The following SAMD8 variants were observed in gnomAD, a reference collection of about 807,000 sequenced individuals.
The protein encoded by SAMD8 is sphingomyelin synthase-related protein 1.
In SAMD8, 20 loss-of-function variants were observed where a neutral mutation model predicts 42.0. That is an observed-to-expected ratio of 0.48 (90% CI 0.34 to 0.69). SAMD8 has a LOEUF of 0.69. SAMD8 is among the 30% of genes least tolerant of loss of function. The pLI is 0.01. For missense variants in SAMD8, 328 were observed against 511.6 expected (o/e 0.64, Z 3.46); for synonymous variants, 162 against 173.0 (o/e 0.94, Z 0.50).
rs889334061 is a variant in SAMD8, at chr10:75,152,198, A to T, written c.578+1092A>T. Among the ~76,000 whole-genome samples the T allele has an allele frequency of 1.6e-4, 24 of 151,986 alleles. 1 individual carries two copies. Among genetic ancestry groups the T allele is most frequent in the African/African-American group, 9.7e-5 (4 of 41,378 alleles). On this transcript the variant is annotated intron_variant, in intron 2 of 5. Transcript: ENST00000542569. The stretch of plus-strand genomic sequence containing the variant: ...CTGTTTTATTAAATATTGAATACAT[A>T]AAAAAATGTAGTATATGTGTAACAT...
intron 4 of SAMD8, among the ~76,000 whole-genome samples, chr10:75,174,621 G>A (rs1186621967): frequency 1.0e-5 from 1 of 98,048 alleles, no homozygotes; most frequent in Non-Finnish European, 1.8e-5. Context: ...TTTTAGTAGA[G>A]ATGGGTTTTC....
chr10:75,176,737 T>A lies in SAMD8; in HGVS notation c.*45T>A. The A allele has an allele frequency of 7.2e-7, 1 of 1,390,350 alleles. No individual in the cohort carries two copies. 86.1% of individuals were successfully genotyped at this position (1,390,350 alleles called of 1,614,324 possible). ...TTTGTGATTAAATATATAATAGTTGTTGAAAATGAGTAACTTTGCGTTCTC... is the reference window on the plus strand; with the variant it reads ...TTTGTGATTAAATATATAATAGTTGATGAAAATGAGTAACTTTGCGTTCTC... On this transcript the variant is annotated 3_prime_UTR_variant, in exon 6 of 6. Transcript: ENST00000542569. This position sits in a 1 kb window ranked among gnomAD's most constrained non-coding sequence, Gnocchi z 4.3.
At chr10:75,168,139 G>A (rs1479704083) in intron 3 of SAMD8, among the ~76,000 whole-genome samples, 1 of 152,042 alleles carries the variant, frequency 6.6e-6, no homozygotes, top group East Asian at 1.9e-4. Context: ...TGGGATTACA[G>A]GCACACACCA....
chr10:75,177,407 G>T lies in SAMD8; in HGVS notation c.*715G>T, dbSNP rs1043602406. 1 of 152,214 alleles carries T rather than the reference G, an allele frequency of 6.6e-6. No homozygotes were observed. Among genetic ancestry groups the T allele is most frequent in the African/African-American group, 2.4e-5 (1 of 41,458 alleles). 9.4% of individuals were successfully genotyped at this position (152,214 alleles called of 1,614,324 possible). A position where few individuals can be genotyped will look rare whatever the true frequency, so the allele number is the denominator to read the frequency against. The stretch of plus-strand genomic sequence containing the variant: ...AGTGTGACCCTCAGTGAGTATTCAT[G>T]AGGGAAAAATGGCTGCATCCATAAA... On this transcript the variant is annotated 3_prime_UTR_variant, in exon 6 of 6. Transcript: ENST00000542569.
intron 1 of SAMD8, among the ~76,000 whole-genome samples, chr10:75,127,985 T>C (rs1849183318): frequency 6.6e-6 from 1 of 152,192 alleles, no homozygotes; most frequent in Admixed American, 6.5e-5. Context: ...AAAATGACTA[T>C]TTAACGTTCC....
At chr10:75,133,590 G>A (rs1467375589) in intron 1 of SAMD8, among the ~76,000 whole-genome samples, 1 of 152,148 alleles carries the variant, frequency 6.6e-6, no homozygotes, top group Non-Finnish European at 1.5e-5. Flanking sequence ...GAAAATGTGT[G>A]TATGTCTGTG....
At chr10:75,126,414 A>G (rs186917547) in intron 1 of SAMD8, among the ~76,000 whole-genome samples, 2 of 152,206 alleles carry the variant, frequency 1.3e-5, no homozygotes, top group Admixed American at 6.5e-5. Context: ...GATGAATGCC[A>G]CATTGCCTAG....
At chr10:75,171,066 A>G (rs995323513) in intron 4 of SAMD8, among the ~76,000 whole-genome samples, 4 of 150,682 alleles carry the variant, frequency 2.7e-5, no homozygotes, top group Middle Eastern at 3.2e-3. Flanking sequence ...TGGCCCTCAT[A>G]TAAGTTTTCA....
At chr10:75,122,326 T>C (rs1467541704) in intron 1 of SAMD8, among the ~76,000 whole-genome samples, 1 of 152,034 alleles carries the variant, frequency 6.6e-6, no homozygotes, top group East Asian at 1.9e-4. Context: ...TTGAAATAAT[T>C]ATAGGCTGGG....
chr10:75,151,047 C>G lies in SAMD8; in HGVS notation c.519C>G (p.Val173=). The G allele has an allele frequency of 1.3e-6, 2 of 1,580,776 alleles. No homozygotes were observed. The highest frequency in any genetic ancestry group is 8.6e-7 in the Non-Finnish European group (1 of 1,162,520). The change falls in exon 2 of 6, where the codon GTC becomes GTG. Residue 173 remains valine (V), a synonymous_variant. Transcript: ENST00000542569. ...FGFTSFIMVI[V]HERVPDMQTY... is the part of the protein sequence containing the mutation. ...TTACATCTTTCATTATGGTTATAGT[C>G]CATGAGCGAGTGCCTGACATGCAGA...
At chr10:75,156,910 A>C (rs1329284912) in intron 2 of SAMD8, among the ~76,000 whole-genome samples, 1 of 152,186 alleles carries the variant, frequency 6.6e-6, no homozygotes, top group Non-Finnish European at 1.5e-5. Context: ...CATGTTAAAT[A>C]ATGGTACTAA....
At chr10:75,163,316 AAAGAAACG>A (rs1840601394) in intron 2 of SAMD8, among the ~76,000 whole-genome samples, 3 of 152,222 alleles carry the variant, frequency 2.0e-5, no homozygotes, top group Non-Finnish European at 4.4e-5. Flanking sequence ...ACAAAGAATA[AAAGAAACG>A]TCAATAATTC....
rs574139156 is a variant in SAMD8, at chr10:75,151,614, A to G, written c.578+508A>G. 2.0e-5 allele frequency among the ~76,000 whole-genome samples: 3 copies of G among 152,204 alleles called. No individual in the cohort carries two copies. In the East Asian group the frequency reaches 5.8e-4, roughly 29 times the overall value. Reference sequence around the variant, plus strand: ...CGATCCTCCCACCTTGGCCTCTTAAAGTGTTGGGATTACAGGCATGAGCCA... The same window carrying G: ...CGATCCTCCCACCTTGGCCTCTTAAGGTGTTGGGATTACAGGCATGAGCCA... On this transcript the variant is annotated intron_variant, in intron 2 of 5. Transcript: ENST00000542569.
intron 1 of SAMD8, among the ~76,000 whole-genome samples, chr10:75,136,085 T>G (rs1051384835): frequency 6.6e-6 from 1 of 152,112 alleles, no homozygotes; most frequent in Non-Finnish European, 1.5e-5. Flanking sequence ...TGGTTTTTTT[T>G]TGGCTAGATA....
At chr10:75,121,991 G>A (rs539019187) in intron 1 of SAMD8, among the ~76,000 whole-genome samples, 3 of 152,116 alleles carry the variant, frequency 2.0e-5, no homozygotes, top group South Asian at 2.1e-4. Flanking sequence ...CATGCCCAGC[G>A]ACTTTCTTAA....
Position 75,178,638 on chromosome 10 carries a change from A to C in SAMD8, c.*1946A>C, listed in dbSNP as rs1371065138. The stretch of plus-strand genomic sequence containing the variant: ...CAGGTTCTGAGGAGGCTGAGGCAGG[A>C]GGATTGCTTGAGGCCAGGAGTTAGA... On this transcript the variant is annotated 3_prime_UTR_variant, in exon 6 of 6. Coordinates refer to ENST00000542569, the MANE Select transcript of SAMD8 (RefSeq NM_001174156.2). 1 of 152,250 alleles carries C rather than the reference A, an allele frequency of 6.6e-6. No homozygotes were observed. The highest frequency in any genetic ancestry group is 2.4e-5 in the African/African-American group (1 of 41,440). The allele number at this position is 152,250 out of a possible 1,614,324, so 9.4% of individuals were successfully genotyped here. A position where few individuals can be genotyped will look rare whatever the true frequency, so the allele number is the denominator to read the frequency against.
chr10:75,170,113 G>A (rs766909701), intron 4 of SAMD8, among the ~76,000 whole-genome samples: 1 of 152,138 alleles, frequency 6.6e-6, no homozygotes, highest in Non-Finnish European at 1.5e-5. Context: ...AAATAAGACT[G>A]TTAAAATCGC....
At chr10:75,158,483 T>G (rs1840474103) in intron 2 of SAMD8, among the ~76,000 whole-genome samples, 2 of 151,810 alleles carry the variant, frequency 1.3e-5, no homozygotes, top group Non-Finnish European at 2.9e-5. Flanking sequence ...TCCCAGCTAC[T>G]CCAGAGGCTG....
At chr10:75,107,975 T>C, upstream of SAMD8, 1 of 1,602,654 alleles carries the variant, frequency 6.2e-7, no homozygotes, top group Non-Finnish European at 8.5e-7. Flanking sequence ...GATATGGGCT[T>C]GGACCCCAAG....
Sources: allele counts gnomAD v4.1 joint callset (sites outside exome capture counted in the v4.1 genomes callset), GRCh38; gene constraint gnomAD v4.1.1; non-coding constraint Gnocchi (gnomAD v3.1); transcripts MANE v1.5; gene names NCBI Gene and HGNC (gene_info 2026-07-23, HGNC 2026-07-21).